Variants in ARHGAP44 observed in about 807,000 individuals in gnomAD.
ARHGAP44 encodes the protein Rho GTPase activating protein 44.
A neutral mutation model predicts 106.8 loss-of-function variants in ARHGAP44; 43 were observed. The observed-to-expected ratio is 0.40, with a 90% CI of 0.32 to 0.52. The LOEUF is 0.52. Among genes scored for constraint, ARHGAP44 ranks in the 20% least tolerant of loss-of-function variants. The probability of loss-of-function intolerance (pLI) is 0.48; values close to 1 mark genes in which losing one functional copy is unlikely to be tolerated. For synonymous variants in ARHGAP44, 439 were observed against 410.3 expected, an observed-to-expected ratio of 1.07 and a Z score of -0.85; for missense variants, 866 against 1,050.5, an observed-to-expected ratio of 0.82 and a Z score of 2.43.
chr17:12,869,723 A>C (rs538704649), intron 1 of ARHGAP44, among the ~76,000 whole-genome samples: 3 of 152,212 alleles, frequency 2.0e-5, no homozygotes, highest in Non-Finnish European at 2.9e-5. Context: ...TAAAACAATA[A>C]GAACAGAGAA....
intron 19 of ARHGAP44, among the ~76,000 whole-genome samples, chr17:12,984,232 C>G (rs2039899902): frequency 6.6e-6 from 1 of 152,116 alleles, no homozygotes; most frequent in South Asian, 2.1e-4. Flanking sequence ...GAAATTTGTT[C>G]TCTAGTTTGG....
At chr17:12,925,889 A>AATGACTATCTGTACAAAATTTTCCCAAC in intron 6 of ARHGAP44, among the ~76,000 whole-genome samples, 1 of 152,298 alleles carries the variant, frequency 6.6e-6, no homozygotes, top group Admixed American at 6.5e-5. Context: ...CTTTTCCCAA[A>AATGACTATCTGTACAAAATTTTCCCAAC]ATGACTATCT....
chr17:12,889,856 C>A, intron 1 of ARHGAP44, among the ~76,000 whole-genome samples: 1 of 151,898 alleles, frequency 6.6e-6, no homozygotes, highest in African/African-American at 2.4e-5. Flanking sequence ...GTTCCTATCT[C>A]AAAAGAGAGA....
chr17:12,910,049 C>T (rs570095506), intron 4 of ARHGAP44, among the ~76,000 whole-genome samples: 9 of 151,938 alleles, frequency 5.9e-5, no homozygotes, highest in South Asian at 2.1e-4. Flanking sequence ...AAGTATTGAG[C>T]GAAAATGTAA....
chr17:12,801,550 A>G (rs1456857073), intron 1 of ARHGAP44, among the ~76,000 whole-genome samples: 1 of 152,116 alleles, frequency 6.6e-6, no homozygotes, highest in Non-Finnish European at 1.5e-5. Context: ...TAGGGAAAGA[A>G]GCATAAACAA....
chr17:12,794,765 G>A (rs184341564), intron 1 of ARHGAP44, among the ~76,000 whole-genome samples: 1 of 152,222 alleles, frequency 6.6e-6, no homozygotes, highest in Non-Finnish European at 1.5e-5. Flanking sequence ...CATTGCTGCT[G>A]TGCAGCTCTT....
intron 1 of ARHGAP44, among the ~76,000 whole-genome samples, chr17:12,838,896 G>A (rs1001091233): frequency 6.6e-6 from 1 of 151,998 alleles, no homozygotes; most frequent in African/African-American, 2.4e-5. Context: ...AAATAGAGAT[G>A]GGGTTTCACC....
At chr17:12,829,165 G>GTCCAAA (rs1431859687) in intron 1 of ARHGAP44, among the ~76,000 whole-genome samples, 1 of 152,010 alleles carries the variant, frequency 6.6e-6, no homozygotes, top group Non-Finnish European at 1.5e-5. Context: ...GTCTTGGGGG[G>GTCCAAA]TCCAAACTAC....
Position 12,868,550 on chromosome 17 carries a change from A to G in ARHGAP44, c.54-26390A>G, listed in dbSNP as rs80077577. Among the ~76,000 whole-genome samples the G allele has an allele frequency of 3.5e-3, 505 of 144,462 alleles. 1 individual carries two copies. Among genetic ancestry groups the G allele is most frequent in the African/African-American group, 0.012 (476 of 38,570 alleles). 94.8% of individuals were successfully genotyped at this position (144,462 alleles called of 152,430 possible). On this transcript the variant is annotated intron_variant, in intron 1 of 20. Coordinates refer to ENST00000379672, the MANE Select transcript of ARHGAP44 (RefSeq NM_014859.6). ...TCCATGTGCAATAAACTGAGAGGCT[A>G]AAAAGCCAAAAAGTCATTTAAAAAG...
intron 3 of ARHGAP44, among the ~76,000 whole-genome samples, chr17:12,900,284 C>T (rs748565003): frequency 6.6e-6 from 1 of 152,048 alleles, no homozygotes; most frequent in Non-Finnish European, 1.5e-5. Flanking sequence ...CGCCCACCTC[C>T]ACGCCCAGAT....
Position 12,969,385 on chromosome 17 carries a change from A to G in ARHGAP44, c.1524-3917A>G, listed in dbSNP as rs530091505. On this transcript the variant is annotated intron_variant, in intron 16 of 20. Transcript: ENST00000379672. The stretch of plus-strand genomic sequence containing the variant: ...CACTACATCTTACTGATTTCTTAGT[A>G]AGAGCTAAGGGCTTTATGGCCACAG... Among the ~76,000 whole-genome samples the G allele has an allele frequency of 7.2e-4, 109 of 152,342 alleles. 1 individual carries two copies. The highest frequency in any genetic ancestry group is 2.5e-3 in the African/African-American group (106 of 41,584).
Position 12,950,496 on chromosome 17 carries a change from C to G in ARHGAP44, c.1055+766C>G, listed in dbSNP as rs1034226793. 2.0e-5 allele frequency among the ~76,000 whole-genome samples: 3 copies of G among 152,206 alleles called. No individual in the cohort carries two copies. The South Asian group carries it at 6.2e-4, about 31-fold the overall frequency. ...CACTAGCCCAGCCCTGATGCATGCT[C>G]TGGCTCCCACGCATGGTTTTTGAGT... On this transcript the variant is annotated intron_variant, in intron 12 of 20. Transcript: ENST00000379672.
intron 20 of ARHGAP44, chr17:12,987,243 C>A: frequency 8.5e-7 from 1 of 1,171,360 alleles, no homozygotes; most frequent in Non-Finnish European, 1.2e-6. Flanking sequence ...CTGCATGTGG[C>A]TCAGACCATT....
chr17:12,871,678 T>A (rs979677654), intron 1 of ARHGAP44, among the ~76,000 whole-genome samples: 8 of 152,144 alleles, frequency 5.3e-5, no homozygotes, highest in Non-Finnish European at 1.2e-4. Context: ...CAATTCAACG[T>A]GAAATTTGGG....
At chr17:12,940,743 G>T (rs2038683988) in intron 7 of ARHGAP44, among the ~76,000 whole-genome samples, 3 of 152,242 alleles carry the variant, frequency 2.0e-5, no homozygotes, top group Admixed American at 6.5e-5. Context: ...TCAGAATAGG[G>T]GCACAAGCTG....
chr17:12,854,209 C>A (rs947142527), intron 1 of ARHGAP44, among the ~76,000 whole-genome samples: 7 of 152,144 alleles, frequency 4.6e-5, no homozygotes, highest in Admixed American at 3.9e-4. Flanking sequence ...CAGTTTCAAA[C>A]AGCTTCTGTA....
At chr17:12,987,305 G>A in intron 20 of ARHGAP44, 1 of 626,406 alleles carries the variant, frequency 1.6e-6, no homozygotes, top group Non-Finnish European at 2.6e-6. Flanking sequence ...AGGATGAGTT[G>A]ATCCATGAGC....
chr17:12,934,051 G>T (rs2038476357), intron 7 of ARHGAP44, among the ~76,000 whole-genome samples: 4 of 151,972 alleles, frequency 2.6e-5, no homozygotes, highest in Admixed American at 1.3e-4. Flanking sequence ...GTTTCACCGT[G>T]TTAGCCAGGA....
In ARHGAP44 at chr17:12,858,826, C is replaced by T. The variant is rs753511812; in HGVS notation, c.54-36114C>T. ...AAAGAGGTTTAGTGGACTCACAGTTCCACATGGCTGGGGAGGCCTCACAGT... is the reference window on the plus strand; with the variant it reads ...AAAGAGGTTTAGTGGACTCACAGTTTCACATGGCTGGGGAGGCCTCACAGT... On this transcript the variant is annotated intron_variant, in intron 1 of 20. Transcript: ENST00000379672. Among the ~76,000 whole-genome samples the T allele has an allele frequency of 7.9e-4, 120 of 152,286 alleles. 1 individual carries two copies. The highest frequency in any genetic ancestry group is 1.1e-3 in the Non-Finnish European group (77 of 68,028).
Sources: gnomAD v4.1 joint callset for allele counts (sites outside exome capture counted in the v4.1 genomes callset) on GRCh38, gnomAD v4.1.1 for gene constraint, MANE v1.5 for transcripts, NCBI Gene and HGNC (gene_info 2026-07-23, HGNC 2026-07-21) for gene names.